CTSB: variants seen among roughly 807,000 people sequenced by gnomAD.
The protein encoded by CTSB is cathepsin B.
Under a neutral mutation model 44.3 loss-of-function variants are expected in CTSB, and 57 were observed. The ratio of observed to expected loss-of-function variants is 1.29; its 90% CI spans 1.04 to 1.60. CTSB has a LOEUF of 1.60. Ranked by LOEUF, CTSB falls within the 40% of genes most tolerant of loss-of-function variation. The pLI is 0.00. For synonymous variants in CTSB, 320 were observed against 168.0 expected (o/e 1.91, Z -7.00); for missense variants, 768 against 443.0 (o/e 1.73, Z -6.59).
chr8:11,847,831 A>AC lies in CTSB; in HGVS notation c.533-10dup, dbSNP rs777036437. On this transcript the variant is annotated splice_polypyrimidine_tract_variant and intron_variant, in intron 6 of 9. Coordinates refer to ENST00000353047, the MANE Select transcript of CTSB (RefSeq NM_001908.5). ...GGAGTACGGTCTGCACCCTGATGGG[A>AC]CGCGGGAGAAAGCGGAGTCAACCTA... 1 of 1,585,310 alleles carries AC rather than the reference A, an allele frequency of 6.3e-7. No individual in the cohort carries two copies. Among genetic ancestry groups the AC allele is most frequent in the South Asian group, 1.2e-5 (1 of 86,534 alleles).
rs541182476 is a variant in CTSB at position 11,848,437 on chromosome 8, G to A, written c.447-285C>T. 895 of 535,814 alleles carry A rather than the reference G, an allele frequency of 1.7e-3. 3 individuals carry two copies. The highest frequency in any genetic ancestry group is 2.3e-3 in the Non-Finnish European group (651 of 285,160). The allele number at this position is 535,814 out of a possible 1,614,324, so 33.2% of individuals were successfully genotyped here. ...CAGACCAGGCTACGAGTGCCCTTCC[G>A]GGTAGAACACTGATTCTCAACTGAG... On this transcript the variant is annotated intron_variant, in intron 5 of 9. Coordinates refer to ENST00000353047, the MANE Select transcript of CTSB (RefSeq NM_001908.5).
At chr8:11,861,877 G>A (rs1183828146) in intron 1 of CTSB, among the ~76,000 whole-genome samples, 1 of 152,232 alleles carries the variant, frequency 6.6e-6, no homozygotes, top group African/African-American at 2.4e-5. Context: ...GATTACACCA[G>A]GGTAGTTGAG....
At chr8:11,850,768 G>A in intron 4 of CTSB, 98 bp downstream of exon 4, 1 of 723,746 alleles carries the variant, frequency 1.4e-6, no homozygotes. Context: ...TCTATAACTT[G>A]CCTTGTCAGA....
Position 11,844,399 on chromosome 8 carries a change from A to C in CTSB, c.*726T>G, listed in dbSNP as rs1812841597. On this transcript the variant is annotated 3_prime_UTR_variant, in exon 10 of 10. Coordinates refer to ENST00000353047, the MANE Select transcript of CTSB (RefSeq NM_001908.5). ...GAAGCTGTAATTTTTCAAAAACAGT[A>C]AAAGCTGGTTTCTCCTAAACTATTT... 6.6e-6 allele frequency: 1 copy of C among 152,192 alleles called. No individual in the cohort carries two copies. Among genetic ancestry groups the C allele is most frequent in the South Asian group, 2.1e-4 (1 of 4,828 alleles). The allele number at this position is 152,192 out of a possible 1,614,324, so 9.4% of individuals were successfully genotyped here.
At chr8:11,858,526 G>C (rs560989960) in intron 1 of CTSB, among the ~76,000 whole-genome samples, 2 of 152,340 alleles carry the variant, frequency 1.3e-5, no homozygotes, top group Non-Finnish European at 2.9e-5. Flanking sequence ...CTGGACTCAA[G>C]TGATCTGCCC....
rs138471009 is a variant in CTSB, at chr8:11,844,142, T to C, written c.*983A>G. 1 of 152,038 alleles carries C rather than the reference T, an allele frequency of 6.6e-6. No homozygotes were observed. Among genetic ancestry groups the C allele is most frequent in the Non-Finnish European group, 1.5e-5 (1 of 68,004 alleles). 9.4% of individuals were successfully genotyped at this position (152,038 alleles called of 1,614,324 possible). A position where few individuals can be genotyped will look rare whatever the true frequency, so the allele number is the denominator to read the frequency against. ...TTGACGAGGATGACAGGGAACTAATTGGGGGAGGGATGCCATGGTTGAAAA... is the reference window on the plus strand; with the variant it reads ...TTGACGAGGATGACAGGGAACTAATCGGGGGAGGGATGCCATGGTTGAAAA... On this transcript the variant is annotated 3_prime_UTR_variant, in exon 10 of 10. Transcript: ENST00000353047.
chr8:11,864,484 C>T (rs944026476), intron 1 of CTSB: 24 of 152,028 alleles, frequency 1.6e-4, no homozygotes, highest in African/African-American at 5.8e-4. Flanking sequence ...AAGCAAGACC[C>T]TGTCATTAAT....
intron 1 of CTSB, among the ~76,000 whole-genome samples, chr8:11,860,044 C>T (rs1408200515): frequency 6.6e-6 from 1 of 151,984 alleles, no homozygotes; most frequent in African/African-American, 2.4e-5. Flanking sequence ...TGCACTCCAG[C>T]CTGGGCGACA....
At chr8:11,853,628 G>A (rs1815005306) in intron 1 of CTSB, 149 bp from the exon 2 acceptor site, 2 of 753,378 alleles carry the variant, frequency 2.7e-6, no homozygotes, top group Admixed American at 6.2e-5. Context: ...GTGTCTATGG[G>A]ATCCCCGCCC....
intron 1 of CTSB, among the ~76,000 whole-genome samples, chr8:11,862,792 C>G (rs987555915): frequency 6.6e-5 from 10 of 152,256 alleles, no homozygotes; most frequent in African/African-American, 2.4e-4. Flanking sequence ...TGAGACAGCC[C>G]GGCCCTCCGG....
intron 1 of CTSB, among the ~76,000 whole-genome samples, chr8:11,858,512 A>ACTCC (rs1408276371): frequency 6.6e-6 from 1 of 152,056 alleles, no homozygotes; most frequent in Non-Finnish European, 1.5e-5. Context: ...CTGGTCTCAA[A>ACTCC]CTCCTGGACT....
Position 11,856,385 on chromosome 8 carries a change from G to A in CTSB, c.-25-2906C>T, listed in dbSNP as rs538763639. 1.9e-3 allele frequency among the ~76,000 whole-genome samples: 284 copies of A among 151,908 alleles called. 1 individual carries two copies. Among genetic ancestry groups the A allele is most frequent in the South Asian group, 9.2e-3 (44 of 4,780 alleles). ...GGTGGCGCATGCCTGTAGCCGAGGC[G>A]GTTGGATCACCTGAGGTCAGGAGTT... is the stretch of plus-strand genomic sequence containing the variant. On this transcript the variant is annotated intron_variant, in intron 1 of 9. Transcript: ENST00000353047.
intron 1 of CTSB, chr8:11,865,367 AC>A (rs779307668): frequency 6.6e-6 from 1 of 151,712 alleles, no homozygotes; most frequent in Non-Finnish European, 1.5e-5. Context: ...ACGTGGCAAA[AC>A]CCCCACATTG....
At chr8:11,852,475 C>T in intron 3 of CTSB, 135 bp downstream of exon 3, 1 of 541,180 alleles carries the variant, frequency 1.8e-6, no homozygotes, top group Non-Finnish European at 3.3e-6. Flanking sequence ...AAGTACTGTA[C>T]CTCAAGCGGT....
chr8:11,849,133 C>A lies in CTSB; in HGVS notation c.359G>T (p.Arg120Leu), dbSNP rs770495766. The change falls in exon 5 of 10, where the codon CGG becomes CTG. Residue 120 changes from arginine to leucine, a missense_variant. Transcript: ENST00000353047. ...AFGAVEAISD[R>L]ICIHTNAHVS... Reference sequence around the variant, plus strand: ...GTGCGCATTGGTGTGGATGCAGATCCGGTCAGAGATGGCTTCCACAGCCCC... The same window carrying A: ...GTGCGCATTGGTGTGGATGCAGATCAGGTCAGAGATGGCTTCCACAGCCCC... 6.2e-7 allele frequency: 1 copy of A among 1,613,174 alleles called. No individual in the cohort carries two copies. The highest frequency in any genetic ancestry group is 8.5e-7 in the Non-Finnish European group (1 of 1,179,798).
chr8:11,844,765 G>C lies in CTSB; in HGVS notation c.*360C>G, dbSNP rs896430301. ...GGAGGTACTGGGGGAACTGATGGGG[G>C]AACTTTCATCCTGTTAGGAACTCCG... On this transcript the variant is annotated 3_prime_UTR_variant, in exon 10 of 10. Coordinates refer to ENST00000353047, the MANE Select transcript of CTSB (RefSeq NM_001908.5). The C allele has an allele frequency of 2.0e-5, 4 of 202,666 alleles. No individual in the cohort carries two copies. Among genetic ancestry groups the C allele is most frequent in the East Asian group, 2.3e-4 (2 of 8,738 alleles). 12.6% of individuals were successfully genotyped at this position (202,666 alleles called of 1,614,324 possible).
At chr8:11,860,214 T>A (rs181056230) in intron 1 of CTSB, among the ~76,000 whole-genome samples, 1 of 152,348 alleles carries the variant, frequency 6.6e-6, no homozygotes, top group Admixed American at 6.5e-5. Context: ...AGCTCCTGGC[T>A]GATAGACAAA....
At chr8:11,865,553 A>T (rs1432340595) in intron 1 of CTSB, 1 of 151,038 alleles carries the variant, frequency 6.6e-6, no homozygotes, top group African/African-American at 2.4e-5. Context: ...TTGCCACTGC[A>T]CTCCAGCCTG....
intron 1 of CTSB, among the ~76,000 whole-genome samples, chr8:11,858,762 C>T (rs910738922): frequency 1.3e-5 from 2 of 152,184 alleles, no homozygotes; most frequent in African/African-American, 2.4e-5. Flanking sequence ...TCCACAACAA[C>T]GCAAATCTCA....
Sources: gnomAD v4.1 joint callset for allele counts (sites outside exome capture counted in the v4.1 genomes callset) on GRCh38, gnomAD v4.1.1 for gene constraint, MANE v1.5 for transcripts, NCBI Gene and HGNC (gene_info 2026-07-23, HGNC 2026-07-21) for gene names.